Variants in TNFRSF19 observed in about 807,000 individuals in gnomAD.
TNFRSF19 encodes TNF receptor superfamily member 19, also known as tumor necrosis factor receptor superfamily member 19.
TNFRSF19 carries 27 observed loss-of-function variants against 46.4 expected under a neutral mutation model. The ratio of observed to expected loss-of-function variants is 0.58; its 90% CI spans 0.43 to 0.80. TNFRSF19 has a LOEUF of 0.80. TNFRSF19 is among the 30% of genes least tolerant of loss of function. The probability of loss-of-function intolerance (pLI) is 0.00; values close to 1 mark genes in which losing one functional copy is unlikely to be tolerated. For missense variants in TNFRSF19, 511 were observed against 530.8 expected (o/e 0.96, Z 0.37); for synonymous variants, 204 against 205.0 (o/e 1.00, Z 0.04).
chr13:23,598,331 C>T (rs993072087), intron 3 of TNFRSF19, among the ~76,000 whole-genome samples: 14 of 152,062 alleles, frequency 9.2e-5, no homozygotes, highest in African/African-American at 3.1e-4. Flanking sequence ...ACATTTATAC[C>T]TATGTAACAA....
At chr13:23,586,444 T>C (rs763717545) in intron 1 of TNFRSF19, among the ~76,000 whole-genome samples, 3 of 152,004 alleles carry the variant, frequency 2.0e-5, no homozygotes, top group Non-Finnish European at 4.4e-5. Flanking sequence ...GGGGCAGGCA[T>C]TGTAGAGGAA....
intron 5 of TNFRSF19, among the ~76,000 whole-genome samples, chr13:23,638,475 C>G (rs551120965): frequency 6.6e-6 from 1 of 152,300 alleles, no homozygotes; most frequent in Admixed American, 6.5e-5. Flanking sequence ...AGCCCCTCCC[C>G]ATGGTCATTG....
chr13:23,602,629 C>CAAAGG (rs1315310055), intron 3 of TNFRSF19, among the ~76,000 whole-genome samples: 1 of 152,032 alleles, frequency 6.6e-6, no homozygotes, highest in Non-Finnish European at 1.5e-5. Context: ...CACACCTTAA[C>CAAAGG]AAAGGTAAAA....
At chr13:23,628,630 C>G (rs890717310) in intron 5 of TNFRSF19, among the ~76,000 whole-genome samples, 29 of 152,170 alleles carry the variant, frequency 1.9e-4, no homozygotes, top group Admixed American at 6.5e-4. Flanking sequence ...TTTCTGCCTT[C>G]TGGGTTCTGA....
At chr13:23,636,123 G>C (rs541939740) in intron 5 of TNFRSF19, among the ~76,000 whole-genome samples, 1 of 152,332 alleles carries the variant, frequency 6.6e-6, no homozygotes, top group South Asian at 2.1e-4. Flanking sequence ...ATGTGTGCAT[G>C]TGTGTGTTAA....
In TNFRSF19 at chr13:23,593,436, C is replaced by T; in HGVS notation, c.161C>T (p.Pro54Leu). 1 of 1,602,678 alleles carries T rather than the reference C, an allele frequency of 6.2e-7. No homozygotes were observed. The highest frequency in any genetic ancestry group is 8.5e-7 in the Non-Finnish European group (1 of 1,176,926). Residue 54 changes from proline to leucine, a missense_variant, in exon 3 of 10, where the codon CCA becomes CTA. Coordinates refer to ENST00000248484, the MANE Select transcript of TNFRSF19 (RefSeq NM_148957.4). The stretch of plus-strand genomic sequence containing the variant: ...TGTGTTCCCTGCAACCAGTGTGGGC[C>T]AGGCATGGAGTTGTCTAAGGTATAT... ...GNCVPCNQCGPGMELSKECGF... is the reference protein window; with the variant it reads ...GNCVPCNQCGLGMELSKECGF...
At chr13:23,612,898 A>C (rs1441512192) in intron 3 of TNFRSF19, among the ~76,000 whole-genome samples, 1 of 152,166 alleles carries the variant, frequency 6.6e-6, no homozygotes, top group East Asian at 1.9e-4. Flanking sequence ...TGGAGGGAGG[A>C]GGTGACTTGG....
At chr13:23,579,188 T>C (rs1332975816) in intron 1 of TNFRSF19, among the ~76,000 whole-genome samples, 5 of 151,990 alleles carry the variant, frequency 3.3e-5, no homozygotes, top group African/African-American at 1.2e-4. Context: ...AGCCGCGGAG[T>C]GGGGGCCTCC....
chr13:23,589,566 C>A (rs1879102096), intron 1 of TNFRSF19, among the ~76,000 whole-genome samples: 1 of 152,218 alleles, frequency 6.6e-6, no homozygotes, highest in Admixed American at 6.5e-5. Context: ...GAAAGGGATG[C>A]TCCACCTGGG....
intron 3 of TNFRSF19, among the ~76,000 whole-genome samples, chr13:23,597,776 C>T (rs1276259453): frequency 1.3e-5 from 2 of 152,178 alleles, no homozygotes; most frequent in East Asian, 3.9e-4. Context: ...ATATCAAAAC[C>T]TGGCAGAGAC....
intron 5 of TNFRSF19, among the ~76,000 whole-genome samples, chr13:23,637,047 GTTT>G (rs891523865): frequency 1.0e-4 from 15 of 143,950 alleles, no homozygotes; most frequent in Admixed American, 3.5e-4. Context: ...TAGAGTTGTT[GTTT>G]TTTTTCCTAA....
chr13:23,615,808 CT>C lies in TNFRSF19; in HGVS notation c.181-56del, dbSNP rs1881237280. 7.4e-6 allele frequency: 11 copies of C among 1,485,562 alleles called. No homozygotes were observed. The South Asian group carries it at 1.5e-4, about 21-fold the overall frequency. The allele number at this position is 1,485,562 out of a possible 1,614,324, so 92.0% of individuals were successfully genotyped here. A position where few individuals can be genotyped will look rare whatever the true frequency, so the allele number is the denominator to read the frequency against. ...CAGGTCTTCGTTTCATCCTAGCGGT[CT>C]TTCCTTTTCACGCTTGCAAAGTCTG... On this transcript the variant is annotated intron_variant, in intron 3 of 9. Coordinates refer to ENST00000248484, the MANE Select transcript of TNFRSF19 (RefSeq NM_148957.4).
chr13:23,613,464 C>T (rs762645205), intron 3 of TNFRSF19, among the ~76,000 whole-genome samples: 7 of 152,192 alleles, frequency 4.6e-5, no homozygotes, highest in Non-Finnish European at 7.3e-5. Flanking sequence ...TGGCTTGAAA[C>T]AGAATTTCCA....
intron 1 of TNFRSF19, among the ~76,000 whole-genome samples, chr13:23,583,563 A>T (rs1878614298): frequency 6.6e-6 from 1 of 152,236 alleles, no homozygotes. Flanking sequence ...AAAGAGAACA[A>T]CTACCCATCA....
At chr13:23,579,229 G>T (rs1459622925) in intron 1 of TNFRSF19, 2 of 152,518 alleles carry the variant, frequency 1.3e-5, no homozygotes, top group African/African-American at 4.8e-5. Context: ...AAGTCCGGCT[G>T]ACGCAGTGTG....
chr13:23,577,796 C>T (rs535518938), intron 1 of TNFRSF19, among the ~76,000 whole-genome samples: 6 of 152,238 alleles, frequency 3.9e-5, no homozygotes, highest in African/African-American at 1.4e-4. Flanking sequence ...TAGGGCTGCA[C>T]CTGGACATCT....
intron 9 of TNFRSF19, among the ~76,000 whole-genome samples, chr13:23,671,465 T>A (rs1014686987): frequency 6.6e-6 from 1 of 151,720 alleles, no homozygotes; most frequent in Non-Finnish European, 1.5e-5. Context: ...TAGTGAATAA[T>A]ATTTTGAGCC....
At position 23,659,631 on chromosome 13, in the gene TNFRSF19, G is replaced by A. The variant is rs186105767; in HGVS notation, c.610+417G>A. ...AAGTGATTCTCCTGCCTCAGCCTCC[G>A]GAGTAGCTGGGACTACAGGCGCCCG... On this transcript the variant is annotated intron_variant, in intron 6 of 9. Coordinates refer to ENST00000248484, the MANE Select transcript of TNFRSF19 (RefSeq NM_148957.4). The surrounding 1 kb of genome is among the most constrained non-coding windows in gnomAD (Gnocchi z 4.9). Among the ~76,000 whole-genome samples the A allele has an allele frequency of 7.0e-3, 1,066 of 151,898 alleles. 14 individuals carry two copies. The highest frequency in any genetic ancestry group is 0.024 in the African/African-American group (1,006 of 41,422).
intron 1 of TNFRSF19, among the ~76,000 whole-genome samples, chr13:23,586,775 C>T (rs747255758): frequency 7.2e-5 from 11 of 152,170 alleles, no homozygotes; most frequent in East Asian, 1.9e-4. Context: ...AGCATGTTTC[C>T]CCGCTCTGCA....
Sources: gnomAD v4.1 joint callset for allele counts (sites outside exome capture counted in the v4.1 genomes callset) on GRCh38, gnomAD v4.1.1 for gene constraint, Gnocchi (gnomAD v3.1) non-coding constraint, MANE v1.5 for transcripts, NCBI Gene and HGNC (gene_info 2026-07-23, HGNC 2026-07-21) for gene names.